The following LIN7A variants were observed in gnomAD, a reference collection of about 807,000 sequenced individuals.
LIN7A encodes protein lin-7 homolog A.
In LIN7A, 25 loss-of-function variants were observed where a neutral mutation model predicts 29.8. The ratio of observed to expected loss-of-function variants is 0.84; its 90% CI spans 0.61 to 1.17. The LOEUF (loss-of-function observed/expected upper bound fraction) is 1.17. Among genes scored for constraint, LIN7A ranks in the 50% most tolerant of loss-of-function variants. The pLI is 0.00. For missense variants in LIN7A, 239 were observed against 287.0 expected (o/e 0.83, Z 1.21); for synonymous variants, 118 against 107.5 (o/e 1.10, Z -0.60).
chr12:80,902,790 A>G (rs1006707421), intron 1 of LIN7A, among the ~76,000 whole-genome samples: 3 of 152,022 alleles, frequency 2.0e-5, no homozygotes, highest in Non-Finnish European at 4.4e-5. Context: ...CTAGGTATAG[A>G]ATCATATTGT....
At chr12:80,921,628 C>A (rs1300181976) in intron 1 of LIN7A, among the ~76,000 whole-genome samples, 1 of 151,740 alleles carries the variant, frequency 6.6e-6, no homozygotes, top group Non-Finnish European at 1.5e-5. Context: ...GAGGCCCCAC[C>A]CTTCTGACTT....
At chr12:80,820,127 C>A (rs1484486428) in intron 4 of LIN7A, among the ~76,000 whole-genome samples, 2 of 152,116 alleles carry the variant, frequency 1.3e-5, no homozygotes, top group Non-Finnish European at 2.9e-5. Context: ...TAAAACTGTT[C>A]CTCTCAGTCC....
chr12:80,818,984 A>T (rs1211271285), intron 4 of LIN7A, among the ~76,000 whole-genome samples: 1 of 152,222 alleles, frequency 6.6e-6, no homozygotes, highest in Non-Finnish European at 1.5e-5. Flanking sequence ...TTAAGAAAGA[A>T]ATATCTTTTA....
At chr12:80,933,286 G>T (rs563708983) in intron 1 of LIN7A, among the ~76,000 whole-genome samples, 1 of 152,052 alleles carries the variant, frequency 6.6e-6, no homozygotes, top group Non-Finnish European at 1.5e-5. Context: ...TAATTAATGC[G>T]TTATTATTTC....
At chr12:80,817,640 C>T (rs1288848803) in intron 4 of LIN7A, among the ~76,000 whole-genome samples, 2 of 151,844 alleles carry the variant, frequency 1.3e-5, no homozygotes, top group African/African-American at 4.8e-5. Context: ...GTAATTATAC[C>T]TTAGTGAATT....
At position 80,937,775 on chromosome 12, in the gene LIN7A, G is replaced by A. The variant is rs1456544096; in HGVS notation, c.-53C>T. 3 of 708,122 alleles carry A rather than the reference G, an allele frequency of 4.2e-6. No individual in the cohort carries two copies. Among genetic ancestry groups the A allele is most frequent in the East Asian group, 5.1e-5 (1 of 19,726 alleles). The allele number at this position is 708,122 out of a possible 1,614,324, so 43.9% of individuals were successfully genotyped here. ...GGAGGAGATTGGGGGCGGGGGTGGA[G>A]AGGGAAGACGGAAAGGAGGGGGAGG... On this transcript the variant is annotated 5_prime_UTR_variant, in exon 1 of 6. Coordinates refer to ENST00000552864, the MANE Select transcript of LIN7A (RefSeq NM_004664.4).
chr12:80,857,235 CAGAT>C (rs1218285824), intron 2 of LIN7A, among the ~76,000 whole-genome samples: 2 of 152,154 alleles, frequency 1.3e-5, no homozygotes, highest in Non-Finnish European at 2.9e-5. Context: ...TGGAGTAAAA[CAGAT>C]AGTTTACTTA....
At chr12:80,819,306 A>G (rs1871685496) in intron 4 of LIN7A, among the ~76,000 whole-genome samples, 1 of 152,298 alleles carries the variant, frequency 6.6e-6, no homozygotes, top group East Asian at 1.9e-4. Context: ...CAAATGTGTT[A>G]ATTTTCCTGT....
intron 1 of LIN7A, among the ~76,000 whole-genome samples, chr12:80,927,718 T>A (rs934781612): frequency 2.0e-5 from 3 of 152,180 alleles, no homozygotes; most frequent in African/African-American, 4.8e-5. Flanking sequence ...ATCATTTTTT[T>A]AAAATTATAC....
At chr12:80,923,144 CACTCT>C (rs1877402332) in intron 1 of LIN7A, among the ~76,000 whole-genome samples, 3 of 152,196 alleles carry the variant, frequency 2.0e-5, no homozygotes, top group Admixed American at 6.5e-5. Context: ...GGCGAACTTG[CACTCT>C]TTCTACCGGA....
chr12:80,831,554 A>G (rs1872350396), intron 4 of LIN7A, among the ~76,000 whole-genome samples: 6 of 152,218 alleles, frequency 3.9e-5, no homozygotes, highest in Admixed American at 3.9e-4. Flanking sequence ...GACCAAGCAG[A>G]CTGAAAGTGA....
At chr12:80,832,893 TG>T (rs1437317916) in intron 4 of LIN7A, among the ~76,000 whole-genome samples, 1 of 151,488 alleles carries the variant, frequency 6.6e-6, no homozygotes, top group Non-Finnish European at 1.5e-5. Flanking sequence ...TCAAAAGGTC[TG>T]GGGACATTTT....
intron 4 of LIN7A, among the ~76,000 whole-genome samples, chr12:80,813,073 C>T (rs181709973): frequency 5.0e-4 from 76 of 151,722 alleles, no homozygotes; most frequent in South Asian, 2.5e-3. Context: ...TGCAATGGCG[C>T]GATCTTGGCT....
At chr12:80,854,394 G>A (rs1301894266) in intron 2 of LIN7A, among the ~76,000 whole-genome samples, 1 of 142,696 alleles carries the variant, frequency 7.0e-6, no homozygotes, top group Non-Finnish European at 1.5e-5. Context: ...TGGCAGCATA[G>A]TGAGACCCCA....
intron 2 of LIN7A, among the ~76,000 whole-genome samples, chr12:80,857,158 C>T (rs1592900208): frequency 6.6e-6 from 1 of 152,250 alleles, no homozygotes; most frequent in Middle Eastern, 3.4e-3. Flanking sequence ...TGCTTGGAGC[C>T]GATACAGCTA....
chr12:80,926,807 T>C (rs1037400785), intron 1 of LIN7A, among the ~76,000 whole-genome samples: 10 of 151,276 alleles, frequency 6.6e-5, no homozygotes, highest in Admixed American at 1.3e-4. Context: ...TGGGAGCCTA[T>C]AGTCCCACCT....
At chr12:80,902,678 A>G (rs1193753382) in intron 1 of LIN7A, among the ~76,000 whole-genome samples, 1 of 152,054 alleles carries the variant, frequency 6.6e-6, no homozygotes, top group Non-Finnish European at 1.5e-5. Flanking sequence ...TTGTTGGTGT[A>G]TAGAAAGGCT....
rs2121457685 is a variant in LIN7A, at chr12:80,794,199, CT to C, written c.*3527del. ...TTTTGTCTATTCACTGATTCAGCCA[CT>C]TATTCATCCAACAAATACCGAGTGC... On this transcript the variant is annotated 3_prime_UTR_variant, in exon 6 of 6. Transcript: ENST00000552864. 6.6e-6 allele frequency: 1 copy of C among 152,266 alleles called. No individual in the cohort carries two copies. Among genetic ancestry groups the C allele is most frequent in the East Asian group, 1.9e-4 (1 of 5,182 alleles). 9.4% of individuals were successfully genotyped at this position (152,266 alleles called of 1,614,324 possible).
chr12:80,827,564 G>A (rs117784047), intron 4 of LIN7A, among the ~76,000 whole-genome samples: 1,734 of 152,144 alleles, frequency 0.011, 11 homozygotes, highest in Middle Eastern at 0.034. Flanking sequence ...CCTGTATCAT[G>A]CAAAGCACTT....
Sources: gnomAD v4.1 joint callset for allele counts (sites outside exome capture counted in the v4.1 genomes callset) on GRCh38, gnomAD v4.1.1 for gene constraint, MANE v1.5 for transcripts, NCBI Gene and HGNC (gene_info 2026-07-23, HGNC 2026-07-21) for gene names.